The following KCNH1 variants were observed in gnomAD, a reference collection of about 807,000 sequenced individuals.
KCNH1 encodes the protein voltage-gated delayed rectifier potassium channel KCNH1.
In KCNH1, 27 loss-of-function variants were observed where a neutral mutation model predicts 69.2. The ratio of observed to expected loss-of-function variants is 0.39; its 90% confidence interval spans 0.29 to 0.54. KCNH1 has a LOEUF of 0.54. Among genes scored for constraint, KCNH1 ranks in the 20% least tolerant of loss-of-function variants. KCNH1 has a pLI of 0.68. For synonymous variants in KCNH1, 456 were observed against 487.7 expected (o/e 0.93, Z 0.86); for missense variants, 798 against 1,261.6 (o/e 0.63, Z 5.57).
At chr1:210,999,204 A>C (rs964114575) in intron 6 of KCNH1, among the ~76,000 whole-genome samples, 22 of 152,340 alleles carry the variant, frequency 1.4e-4, no homozygotes, top group Admixed American at 6.5e-5. Context: ...AAAACCCTTC[A>C]AAAAATCAAT....
chr1:211,076,768 C>G (rs972751032), intron 5 of KCNH1, among the ~76,000 whole-genome samples: 2 of 152,212 alleles, frequency 1.3e-5, no homozygotes, highest in Non-Finnish European at 2.9e-5. Context: ...CTTTGATGAG[C>G]TGACAGAAGT....
intron 6 of KCNH1, among the ~76,000 whole-genome samples, chr1:210,937,977 C>G (rs191500061): frequency 6.6e-6 from 1 of 152,198 alleles, no homozygotes; most frequent in African/African-American, 2.4e-5. Flanking sequence ...TAATGACCTG[C>G]AAATCTACCT....
intron 6 of KCNH1, among the ~76,000 whole-genome samples, chr1:210,931,481 C>A (rs9783090): frequency 0.54 from 81,643 of 151,832 alleles, 22,938 homozygotes; most frequent in African/African-American, 0.7. Context: ...ACGCAAAGGC[C>A]TAAGAATGAT....
At chr1:210,705,018 T>C (rs956652014) in intron 10 of KCNH1, among the ~76,000 whole-genome samples, 4 of 152,064 alleles carry the variant, frequency 2.6e-5, no homozygotes, top group African/African-American at 9.7e-5. Context: ...TGGTCTGAAT[T>C]TTCCAGGGCA....
intron 6 of KCNH1, among the ~76,000 whole-genome samples, chr1:210,998,246 T>A (rs981652774): frequency 6.6e-6 from 1 of 152,204 alleles, no homozygotes. Flanking sequence ...GACCTATCAG[T>A]GTGTTGTATT....
chr1:210,842,703 C>T (rs746701096), intron 7 of KCNH1, among the ~76,000 whole-genome samples: 43 of 152,046 alleles, frequency 2.8e-4, no homozygotes, highest in Non-Finnish European at 5.0e-4. Context: ...CCTAATAGAC[C>T]CACATTCTAG....
rs758026291 is a variant in KCNH1, at chr1:210,922,383, C to CAAAAAA, written c.1033-2320_1033-2315dup. Among the ~76,000 whole-genome samples, 54 of 98,294 alleles carry CAAAAAA rather than the reference C, an allele frequency of 5.5e-4. 2 individuals are homozygous for CAAAAAA. The East Asian group carries it at 8.0e-3, about 15-fold the overall frequency. 64.5% of individuals were successfully genotyped at this position (98,294 alleles called of 152,430 possible). On this transcript the variant is annotated intron_variant, in intron 6 of 10. Transcript: ENST00000271751. ...TGGGCAACAGAGCGAGACTCCGTCT[C>CAAAAAA]AAAAAAAAAAAAAAAAAAAAAAAAA...
intron 6 of KCNH1, among the ~76,000 whole-genome samples, chr1:210,922,409 A>AAC (rs1687481888): frequency 2.5e-5 from 3 of 118,600 alleles, no homozygotes; most frequent in Non-Finnish European, 3.5e-5. Context: ...AAAAAAAAAA[A>AAC]AAAAAAAAAA....
intron 1 of KCNH1, among the ~76,000 whole-genome samples, chr1:211,116,755 C>A (rs1691591135): frequency 6.6e-6 from 1 of 152,202 alleles, no homozygotes; most frequent in South Asian, 2.1e-4. Flanking sequence ...ACCTATAATA[C>A]TTGTGACAGG....
intron 6 of KCNH1, among the ~76,000 whole-genome samples, chr1:211,001,264 T>C (rs905319468): frequency 1.3e-5 from 2 of 152,182 alleles, no homozygotes; most frequent in African/African-American, 4.8e-5. Context: ...AATCTACTCA[T>C]CTGACAAAGG....
chr1:211,104,977 C>T (rs1358864996), intron 2 of KCNH1, among the ~76,000 whole-genome samples: 1 of 152,338 alleles, frequency 6.6e-6, no homozygotes, highest in East Asian at 1.9e-4. Context: ...CTTGGGCTTA[C>T]TACAGGCTTC....
intron 10 of KCNH1, among the ~76,000 whole-genome samples, chr1:210,745,832 T>C (rs1297306242): frequency 6.6e-6 from 1 of 152,166 alleles, no homozygotes; most frequent in African/African-American, 2.4e-5. Context: ...CCACAGTGGC[T>C]GTATAGCCAA....
chr1:211,019,014 G>A lies in KCNH1; in HGVS notation c.801C>T (p.Leu267=). The change falls in exon 6 of 11, where the codon CTC becomes CTT. Residue 267 remains leucine, a synonymous_variant. Transcript: ENST00000271751. ...VDVIFLVDIV[L]NFHTTFVGPA... ...GTCCAACAAAGGTGGTATGAAAATT[G>A]AGCACAATGTCCACCAAAAAGATAA... The A allele has an allele frequency of 2.5e-6, 4 of 1,614,018 alleles. No individual in the cohort carries two copies. Among genetic ancestry groups the A allele is most frequent in the Non-Finnish European group, 3.4e-6 (4 of 1,179,958 alleles).
At chr1:210,760,800 C>G (rs1412940189) in intron 10 of KCNH1, among the ~76,000 whole-genome samples, 2 of 152,250 alleles carry the variant, frequency 1.3e-5, no homozygotes, top group South Asian at 2.1e-4. Context: ...TATTCACTAT[C>G]ATGAGAACAG....
chr1:211,103,781 C>T lies in KCNH1; in HGVS notation c.204-179G>A, dbSNP rs529506533. On this transcript the variant is annotated intron_variant, in intron 2 of 10. Coordinates refer to ENST00000271751, the MANE Select transcript of KCNH1 (RefSeq NM_172362.3). ...GATTCAACTGTGAATAAGACTTTTT[C>T]ATTGTCTCCAAAAAACTAACAGTCT... is the stretch of plus-strand genomic sequence containing the variant. Among the ~76,000 whole-genome samples, 16 of 152,340 alleles carry T rather than the reference C, an allele frequency of 1.1e-4. No homozygotes were observed. The East Asian group carries it at 3.1e-3, about 29-fold the overall frequency.
At chr1:210,853,953 A>AAAAAAAAAC (rs1553351799) in intron 7 of KCNH1, among the ~76,000 whole-genome samples, 8 of 141,110 alleles carry the variant, frequency 5.7e-5, no homozygotes, top group Non-Finnish European at 7.6e-5. Context: ...AGCCAAAAAA[A>AAAAAAAAAC]AAAAAAAAAA....
At chr1:211,056,785 A>G (rs1245838280) in intron 5 of KCNH1, among the ~76,000 whole-genome samples, 1 of 152,236 alleles carries the variant, frequency 6.6e-6, no homozygotes, top group Non-Finnish European at 1.5e-5. Flanking sequence ...AGTTCACTCA[A>G]GACCACCAAG....
chr1:211,066,682 G>T (rs911092934), intron 5 of KCNH1, among the ~76,000 whole-genome samples: 1 of 152,098 alleles, frequency 6.6e-6, no homozygotes, highest in African/African-American at 2.4e-5. Flanking sequence ...AATTACTATT[G>T]CTATTTCAAG....
chr1:210,754,844 G>GGCACACA (rs1202906757), intron 10 of KCNH1, among the ~76,000 whole-genome samples: 202 of 148,958 alleles, frequency 1.4e-3, no homozygotes, highest in African/African-American at 4.6e-3. Flanking sequence ...GTACACACGG[G>GGCACACA]CACACACACA....
Sources: allele counts gnomAD v4.1 joint callset (sites outside exome capture counted in the v4.1 genomes callset), GRCh38; gene constraint gnomAD v4.1.1; transcripts MANE v1.5; gene names NCBI Gene and HGNC (gene_info 2026-07-23, HGNC 2026-07-21).